Variants in YRDC observed in about 807,000 individuals in gnomAD.
YRDC encodes yrdC N6-threonylcarbamoyltransferase domain containing.
A neutral mutation model predicts 21.5 loss-of-function variants in YRDC; 17 were observed. The ratio of observed to expected loss-of-function variants is 0.79; its 90% confidence interval spans 0.54 to 1.19. The LOEUF is 1.19. Ranked by LOEUF, YRDC falls within the 50% of genes most tolerant of loss-of-function variation. The pLI is 0.00. For missense variants in YRDC, 380 were observed against 397.1 expected, an observed-to-expected ratio of 0.96 and a Z score of 0.37; for synonymous variants, 193 against 176.7, an observed-to-expected ratio of 1.09 and a Z score of -0.73.
Position 37,806,973 on chromosome 1 carries a change from C to A in YRDC, c.508G>T (p.Val170Leu), listed in dbSNP as rs894257858. The change falls in exon 3 of 5, where the codon GTA becomes TTA. Residue 170 changes from valine (V) to leucine (L), a missense_variant. Transcript: ENST00000373044. ...GCATGATCAGGAATCCGAATGCCTA[C>A]AAGCTGTAAGGCAAGGGGAAAGGGA... is the stretch of plus-strand genomic sequence containing the variant. ...NKDLNPFTPL[V>L]GIRIPDHAFM... is the part of the protein sequence containing the mutation. 2 of 1,614,130 alleles carry A rather than the reference C, an allele frequency of 1.2e-6. No homozygotes were observed. The highest frequency in any genetic ancestry group is 3.3e-4 in the Middle Eastern group (2 of 6,062).
chr1:37,806,635 G>C (rs28701975), intron 3 of YRDC, among the ~76,000 whole-genome samples: 71,565 of 152,116 alleles, frequency 0.47, 17,918 homozygotes, highest in Non-Finnish European at 0.54. Context: ...CTGAAGAAAA[G>C]ACCAATTCTC....
intron 4 of YRDC, 102 bp from the exon 5 acceptor site, chr1:37,804,099 C>A (rs1646719319): frequency 1.3e-6 from 2 of 1,498,156 alleles, no homozygotes; most frequent in South Asian, 1.2e-5. Flanking sequence ...CCTTGTTAAG[C>A]CCTGTTCATC....
chr1:37,808,093 C>T lies in YRDC; in HGVS notation c.88G>A (p.Gly30Ser), dbSNP rs1482430210. The T allele has an allele frequency of 1.1e-5, 15 of 1,391,244 alleles. No homozygotes were observed. The highest frequency in any genetic ancestry group is 1.4e-5 in the Non-Finnish European group (15 of 1,076,570). The allele number at this position is 1,391,244 out of a possible 1,614,324, so 86.2% of individuals were successfully genotyped here. The change falls in exon 1 of 5, where the codon GGT becomes AGT. Residue 30 changes from glycine to serine, a missense_variant. By Grantham distance (56) the Gly-to-Ser change is moderately conservative (BLOSUM62 0). Transcript: ENST00000373044. Reference sequence around the variant, plus strand: ...GGACTCGGCGGGCGGAAGAGGCGACCGCTCCGGGAGCCAGCAGGCCCCTCG... The same window carrying T: ...GGACTCGGCGGGCGGAAGAGGCGACTGCTCCGGGAGCCAGCAGGCCCCTCG... ...LSEGPAGSRS[G>S]RLFRPPSPAP...
In YRDC at chr1:37,803,709, T is replaced by C. The variant is rs1034816210; in HGVS notation, c.*216A>G. ...TTTTCCATTCAGCTTTTGGCTGATA[T>C]ATGAAAATACAAATAAATACATCCT... On this transcript the variant is annotated 3_prime_UTR_variant, in exon 5 of 5. Coordinates refer to ENST00000373044, the MANE Select transcript of YRDC (RefSeq NM_024640.4). 4.3e-5 allele frequency: 22 copies of C among 512,594 alleles called. No homozygotes were observed. The highest frequency in any genetic ancestry group is 2.9e-4 in the African/African-American group (15 of 52,576). 31.8% of individuals were successfully genotyped at this position (512,594 alleles called of 1,614,324 possible).
intron 4 of YRDC, 126 bp from the exon 5 acceptor site, chr1:37,804,123 A>G: frequency 7.0e-7 from 1 of 1,430,364 alleles, no homozygotes; most frequent in South Asian, 1.3e-5. Flanking sequence ...CCTTGATGAA[A>G]CCTTTTGAAT....
chr1:37,807,489 C>G (rs1646747157), intron 1 of YRDC: 10 of 588,882 alleles, frequency 1.7e-5, no homozygotes, highest in Non-Finnish European at 2.6e-5. Context: ...TTATTTTCTT[C>G]AAGGCATTCG....
At chr1:37,804,832 C>T (rs956298441) in intron 3 of YRDC, among the ~76,000 whole-genome samples, 2 of 152,166 alleles carry the variant, frequency 1.3e-5, no homozygotes, top group African/African-American at 4.8e-5. Context: ...TCCAGGCCTA[C>T]AAGACAAGTG....
In YRDC at chr1:37,807,232, A is replaced by T; in HGVS notation, c.390-17T>A. The T allele has an allele frequency of 6.2e-7, 1 of 1,610,700 alleles. No homozygotes were observed. Among genetic ancestry groups the T allele is most frequent in the Admixed American group, 1.7e-5 (1 of 60,016 alleles). On this transcript the variant is annotated splice_polypyrimidine_tract_variant and intron_variant, in intron 1 of 4. Transcript: ENST00000373044. ...CGGCAGTATCTGGGAAACACAGAAG[A>T]ATAAATCCATTCAAAATTGAAGGGC...
At chr1:37,805,010 A>G (rs1646725627) in intron 3 of YRDC, among the ~76,000 whole-genome samples, 1 of 152,226 alleles carries the variant, frequency 6.6e-6, no homozygotes, top group Admixed American at 6.5e-5. Context: ...CACGCCTGTA[A>G]TCTCAGCACT....
At chr1:37,806,529 G>T (rs924011900) in intron 3 of YRDC, among the ~76,000 whole-genome samples, 1 of 152,216 alleles carries the variant, frequency 6.6e-6, no homozygotes, top group African/African-American at 2.4e-5. Flanking sequence ...CAGCACTGTC[G>T]TGAAGATTTA....
chr1:37,807,341 T>C, intron 1 of YRDC, 126 bp from the exon 2 acceptor site: 3 of 877,756 alleles, frequency 3.4e-6, no homozygotes, highest in Non-Finnish European at 5.3e-6. Flanking sequence ...GTCTCCCTGC[T>C]TCACCTCCCT....
Position 37,807,847 on chromosome 1 carries a change from G to C in YRDC, c.334C>G (p.Arg112Gly). The C allele has an allele frequency of 2.7e-6, 4 of 1,506,690 alleles. No homozygotes were observed. The highest frequency in any genetic ancestry group is 3.5e-6 in the Non-Finnish European group (4 of 1,132,104). 93.3% of individuals were successfully genotyped at this position (1,506,690 alleles called of 1,614,324 possible). ...ALRAVYRLKG[R>G]SEAKPLAVCL... ...ACGGCCAGAGGCTTGGCCTCGCTGC[G>C]ACCCTTGAGGCGGTACACAGCGCGC... Residue 112 changes from arginine to glycine, a missense_variant, in exon 1 of 5, where the codon CGC becomes GGC. Physicochemically the swap from Arg to Gly is moderately radical, Grantham distance 125. Transcript: ENST00000373044.
chr1:37,808,159 T>TG lies in YRDC; in HGVS notation c.21dup (p.Arg8GlnfsTer131). On this transcript the variant is annotated frameshift_variant, in exon 1 of 5. Coordinates refer to ENST00000373044, the MANE Select transcript of YRDC (RefSeq NM_024640.4). LOFTEE classifies it high-confidence loss of function. ...GCAGCCACCGCGGCCCTCATCCCCC[T>TG]GCACCGACGCGCCGGAGACATCCGC... is the stretch of plus-strand genomic sequence containing the variant. The TG allele has an allele frequency of 6.8e-7, 1 of 1,461,026 alleles. No homozygotes were observed. Among genetic ancestry groups the TG allele is most frequent in the Non-Finnish European group, 9.0e-7 (1 of 1,111,442 alleles). The allele number at this position is 1,461,026 out of a possible 1,614,324, so 90.5% of individuals were successfully genotyped here.
intron 3 of YRDC, 116 bp from the exon 4 acceptor site, chr1:37,804,560 A>C: frequency 7.7e-7 from 1 of 1,294,266 alleles, no homozygotes; most frequent in Non-Finnish European, 1.0e-6. Context: ...CTTTCCTCTA[A>C]GCAGAGAAAG....
rs1440927291 is a variant in YRDC at position 37,807,096 on chromosome 1, C to T, written c.504+5G>A. On this transcript the variant is annotated splice_donor_5th_base_variant and intron_variant, in intron 2 of 4. Coordinates refer to ENST00000373044, the MANE Select transcript of YRDC (RefSeq NM_024640.4). Reference sequence around the variant, plus strand: ...TCTGGGGACACAAGAGAAAACTTGACTCACAGGCGTAAAAGGGTTTAGGTC... The same window carrying T: ...TCTGGGGACACAAGAGAAAACTTGATTCACAGGCGTAAAAGGGTTTAGGTC... 2.5e-6 allele frequency: 4 copies of T among 1,614,158 alleles called. No homozygotes were observed. Among genetic ancestry groups the T allele is most frequent in the Non-Finnish European group, 3.4e-6 (4 of 1,180,004 alleles).
At chr1:37,805,236 G>C (rs548579330) in intron 3 of YRDC, among the ~76,000 whole-genome samples, 2 of 152,244 alleles carry the variant, frequency 1.3e-5, no homozygotes, top group East Asian at 3.9e-4. Context: ...CTCCAGCCTG[G>C]GCAAGAGAGT....
chr1:37,805,518 G>A (rs540924), intron 3 of YRDC, among the ~76,000 whole-genome samples: 14,513 of 152,270 alleles, frequency 0.095, 865 homozygotes, highest in Middle Eastern at 0.24. Flanking sequence ...ACCCCCCAAG[G>A]AAGACACTGC....
At chr1:37,804,767 C>T (rs570629759) in intron 3 of YRDC, among the ~76,000 whole-genome samples, 4 of 152,180 alleles carry the variant, frequency 2.6e-5, no homozygotes, top group Non-Finnish European at 4.4e-5. Context: ...GAGATACGGG[C>T]TATAACTCTA....
chr1:37,807,019 GA>G (rs770393390), intron 2 of YRDC, 43 bp from the exon 3 acceptor site: 1 of 1,614,164 alleles, frequency 6.2e-7, no homozygotes, highest in South Asian at 1.1e-5. Flanking sequence ...GGTTGGAAGG[GA>G]TAAGAGGGTA....
Sources: allele counts gnomAD v4.1 joint callset (sites outside exome capture counted in the v4.1 genomes callset), GRCh38; gene constraint gnomAD v4.1.1; transcripts MANE v1.5; gene names NCBI Gene and HGNC (gene_info 2026-07-23, HGNC 2026-07-21).